SLC38A4: variants seen among roughly 807,000 people sequenced by gnomAD.
SLC38A4 encodes solute carrier family 38 member 4.
SLC38A4 carries 20 observed loss-of-function variants against 63.1 expected under a neutral mutation model. The observed-to-expected ratio is 0.32, with a 90% CI of 0.22 to 0.46. The LOEUF is 0.46. SLC38A4 is among the 20% of genes least tolerant of loss of function. The pLI, the probability that SLC38A4 is intolerant of heterozygous loss-of-function variation, is 1.00. For synonymous variants in SLC38A4, 230 were observed against 225.5 expected, an observed-to-expected ratio of 1.02 and a Z score of -0.18; for missense variants, 526 against 663.6, an observed-to-expected ratio of 0.79 and a Z score of 2.28.
intron 7 of SLC38A4, among the ~76,000 whole-genome samples, chr12:46,782,494 T>G (rs1225984780): frequency 6.6e-6 from 1 of 152,038 alleles, no homozygotes; most frequent in Non-Finnish European, 1.5e-5. Context: ...AATGTATTTG[T>G]TGAATTAGGC....
intron 2 of SLC38A4, among the ~76,000 whole-genome samples, chr12:46,800,463 A>G (rs1320418307): frequency 1.3e-5 from 2 of 151,926 alleles, no homozygotes; most frequent in African/African-American, 4.8e-5. Flanking sequence ...CCACTGCAGG[A>G]CCTCTTAAGG....
intron 2 of SLC38A4, among the ~76,000 whole-genome samples, chr12:46,796,407 A>G (rs1193381919): frequency 6.6e-6 from 1 of 152,080 alleles, no homozygotes; most frequent in African/African-American, 2.4e-5. Flanking sequence ...CTTCTCTTCC[A>G]TGCTGCTCAT....
chr12:46,774,788 C>G (rs1475749948), intron 14 of SLC38A4, among the ~76,000 whole-genome samples: 1 of 151,974 alleles, frequency 6.6e-6, no homozygotes, highest in Non-Finnish European at 1.5e-5. Flanking sequence ...GACAGAAGCT[C>G]CAGCTCCACT....
rs115902574 is a variant in SLC38A4 at position 46,805,112 on chromosome 12, A to C, written c.-304-1318T>G. Among the ~76,000 whole-genome samples, 856 of 152,106 alleles carry C rather than the reference A, an allele frequency of 5.6e-3. 13 individuals carry two copies. The highest frequency in any genetic ancestry group is 0.02 in the African/African-American group (816 of 41,560). On this transcript the variant is annotated intron_variant, in intron 1 of 16. Coordinates refer to ENST00000266579, the MANE Select transcript of SLC38A4 (RefSeq NM_018018.5). The stretch of plus-strand genomic sequence containing the variant: ...TGATATTAAATTATAATATCATTTA[A>C]AATCGGGTGGAGATAAATGTATAGA...
At chr12:46,774,449 C>G (rs1938482841) in intron 14 of SLC38A4, among the ~76,000 whole-genome samples, 1 of 152,026 alleles carries the variant, frequency 6.6e-6, no homozygotes, top group South Asian at 2.1e-4. Flanking sequence ...CAAACTGACA[C>G]CAATGACAAA....
At chr12:46,807,767 A>G (rs1253036567) in intron 1 of SLC38A4, among the ~76,000 whole-genome samples, 1 of 152,028 alleles carries the variant, frequency 6.6e-6, no homozygotes, top group Non-Finnish European at 1.5e-5. Flanking sequence ...TATTATTTGT[A>G]TCACTTGTAA....
At chr12:46,784,425 A>G (rs1007024434) in intron 7 of SLC38A4, 117 bp downstream of exon 7, 1 of 593,638 alleles carries the variant, frequency 1.7e-6, no homozygotes, top group African/African-American at 1.9e-5. Context: ...AAAATTTAAG[A>G]ACTATAAGTA....
chr12:46,820,486 G>A (rs1939519987), intron 1 of SLC38A4, among the ~76,000 whole-genome samples: 2 of 151,974 alleles, frequency 1.3e-5, no homozygotes, highest in Admixed American at 1.3e-4. Context: ...GTTCATCCAT[G>A]TTGTCACAAA....
chr12:46,828,593 G>A (rs1319053990), upstream of SLC38A4, among the ~76,000 whole-genome samples: 1 of 152,192 alleles, frequency 6.6e-6, no homozygotes, highest in Non-Finnish European at 1.5e-5. Context: ...AAAGAGCTGG[G>A]ATTACAGGCA....
upstream of SLC38A4, among the ~76,000 whole-genome samples, chr12:46,829,150 C>A (rs1362542915): frequency 6.6e-6 from 1 of 152,120 alleles, no homozygotes; most frequent in Non-Finnish European, 1.5e-5. Flanking sequence ...TAACAAATAC[C>A]TATAGAATAG....
At chr12:46,769,041 A>C (rs972922746) in intron 15 of SLC38A4, among the ~76,000 whole-genome samples, 1 of 152,082 alleles carries the variant, frequency 6.6e-6, no homozygotes, top group African/African-American at 2.4e-5. Context: ...TGACTTTTAT[A>C]GGGGTCAGTT....
chr12:46,771,492 A>C (rs1938414661), intron 14 of SLC38A4, among the ~76,000 whole-genome samples: 1 of 152,024 alleles, frequency 6.6e-6, no homozygotes, highest in Admixed American at 6.6e-5. Context: ...TGGCTCCCAG[A>C]AAGATTAACA....
Position 46,784,447 on chromosome 12 carries a change from G to C in SLC38A4, c.493+95C>G, listed in dbSNP as rs1020961584. On this transcript the variant is annotated intron_variant, in intron 7 of 16. Transcript: ENST00000266579. ...AAGAACTATAAGTAGCAATTTTTCT[G>C]TATCTAAAGTGCCTGTTTATTGCCA... The C allele has an allele frequency of 3.2e-5, 26 of 825,354 alleles. No individual in the cohort carries two copies. The African/African-American group carries it at 4.0e-4, about 13-fold the overall frequency. 51.1% of individuals were successfully genotyped at this position (825,354 alleles called of 1,614,324 possible).
chr12:46,778,289 T>C lies in SLC38A4; in HGVS notation c.1073A>G (p.Asp358Gly), dbSNP rs374120382. ...AATGCTAAAATGATGGCTGCCTTAC[T>C]CTTTAAGTTCACTGTAGATGGGAAG... is the stretch of plus-strand genomic sequence containing the variant. The part of the protein sequence containing the change: ...EVLPIYSELK[D>G]RSRRKMQTVS... The change falls in exon 12 of 17, where the codon GAT (aspartate) becomes GGT (glycine). Residue 358 changes from aspartate (D) to glycine (G), a missense_variant and splice_region_variant. By Grantham distance (94) the Asp-to-Gly change is moderately conservative. Transcript: ENST00000266579. The C allele has an allele frequency of 8.7e-6, 14 of 1,612,162 alleles. No individual in the cohort carries two copies. Among genetic ancestry groups the C allele is most frequent in the African/African-American group, 2.7e-5 (2 of 74,776 alleles).
Position 46,766,772 on chromosome 12 carries a change from A to G in SLC38A4, c.1573T>C (p.Phe525Leu). The part of the protein sequence containing the change: ...ALIFLVVGIF[F>L]MIGSMALIII... ...ATGAGTGCCATGCTTCCAATCATGAAGAATATTCCAACCACAAGGAAAATT... is the reference window on the plus strand; with the variant it reads ...ATGAGTGCCATGCTTCCAATCATGAGGAATATTCCAACCACAAGGAAAATT... The change falls in exon 17 of 17, where the codon TTC (phenylalanine) becomes CTC (leucine). Residue 525 changes from phenylalanine to leucine, a missense_variant. Physicochemically the swap from Phe to Leu is conservative, Grantham distance 22. Coordinates refer to ENST00000266579, the MANE Select transcript of SLC38A4 (RefSeq NM_018018.5). The G allele has an allele frequency of 6.2e-7, 1 of 1,611,728 alleles. No individual in the cohort carries two copies. The highest frequency in any genetic ancestry group is 8.5e-7 in the Non-Finnish European group (1 of 1,178,676).
chr12:46,769,746 A>C (rs959786420), intron 14 of SLC38A4, among the ~76,000 whole-genome samples: 1 of 152,092 alleles, frequency 6.6e-6, no homozygotes, highest in Non-Finnish European at 1.5e-5. Context: ...GGAGACACAA[A>C]TACTTACCAT....
chr12:46,792,413 G>A (rs1354535888), intron 3 of SLC38A4, among the ~76,000 whole-genome samples: 1 of 152,092 alleles, frequency 6.6e-6, no homozygotes, highest in African/African-American at 2.4e-5. Context: ...TGGAGGGAAA[G>A]ATAGGAGTTC....
intron 13 of SLC38A4, 58 bp downstream of exon 13, chr12:46,776,846 G>C: frequency 6.7e-7 from 1 of 1,488,506 alleles, no homozygotes; most frequent in Non-Finnish European, 9.4e-7. Context: ...ACCTACCCAG[G>C]TCAAGGACCA....
At chr12:46,783,491 A>T (rs1367229484) in intron 7 of SLC38A4, among the ~76,000 whole-genome samples, 1 of 152,050 alleles carries the variant, frequency 6.6e-6, no homozygotes, top group Non-Finnish European at 1.5e-5. Flanking sequence ...AGCAGGGGAA[A>T]CTCAAGCCAG....
Sources: allele counts gnomAD v4.1 joint callset (sites outside exome capture counted in the v4.1 genomes callset), GRCh38; gene constraint gnomAD v4.1.1; transcripts MANE v1.5; gene names NCBI Gene and HGNC (gene_info 2026-07-23, HGNC 2026-07-21).